Variants in TTLL11 observed in about 807,000 individuals in gnomAD.
TTLL11 encodes the protein tubulin polyglutamylase TTLL11.
A neutral mutation model predicts 51.7 loss-of-function variants in TTLL11; 42 were observed. The ratio of observed to expected loss-of-function variants is 0.81; its 90% CI spans 0.64 to 1.05. The LOEUF is 1.05. Ranked by LOEUF, TTLL11 falls within the 50% of genes least tolerant of loss-of-function variation. TTLL11 has a pLI of 0.00. For missense variants in TTLL11, 799 were observed against 940.4 expected (o/e 0.85, Z 1.97); for synonymous variants, 381 against 383.5 (o/e 0.99, Z 0.08).
chr9:122,087,694 C>T (rs1038721654), intron 1 of TTLL11, among the ~76,000 whole-genome samples: 2 of 152,170 alleles, frequency 1.3e-5, no homozygotes, highest in African/African-American at 4.8e-5. Context: ...GGCGTCTACT[C>T]TCTATGGTGT....
chr9:121,849,049 G>C (rs1837594640), intron 8 of TTLL11, among the ~76,000 whole-genome samples: 1 of 152,202 alleles, frequency 6.6e-6, no homozygotes, highest in South Asian at 2.1e-4. Flanking sequence ...AAAAGAATAG[G>C]TAACTAGACC....
chr9:122,015,707 C>T (rs967562127), intron 3 of TTLL11, among the ~76,000 whole-genome samples: 1 of 151,850 alleles, frequency 6.6e-6, no homozygotes, highest in Middle Eastern at 3.4e-3. Flanking sequence ...GTTTCTCATG[C>T]TCCGAGCCTG....
intron 4 of TTLL11, among the ~76,000 whole-genome samples, chr9:121,979,131 G>T (rs1842777134): frequency 6.6e-6 from 1 of 152,210 alleles, no homozygotes; most frequent in Non-Finnish European, 1.5e-5. Flanking sequence ...CTCACTCGGA[G>T]GGAGGCCACC....
At chr9:122,022,954 G>A (rs1844221636) in intron 3 of TTLL11, among the ~76,000 whole-genome samples, 1 of 151,732 alleles carries the variant, frequency 6.6e-6, no homozygotes, top group Non-Finnish European at 1.5e-5. Context: ...GGTAGATTGT[G>A]ATAACTCAAA....
intron 3 of TTLL11, among the ~76,000 whole-genome samples, chr9:122,003,724 A>G (rs1843554927): frequency 1.3e-5 from 2 of 150,456 alleles, no homozygotes; most frequent in Admixed American, 1.3e-4. Context: ...TGACCTCGTG[A>G]TCCACCCGCC....
chr9:121,993,504 C>T, intron 3 of TTLL11, among the ~76,000 whole-genome samples: 1 of 152,166 alleles, frequency 6.6e-6, no homozygotes, highest in Non-Finnish European at 1.5e-5. Flanking sequence ...GACTAAGGTC[C>T]CTGGCTTCCG....
At chr9:122,008,770 G>A (rs896864420) in intron 3 of TTLL11, among the ~76,000 whole-genome samples, 2 of 152,332 alleles carry the variant, frequency 1.3e-5, no homozygotes, top group South Asian at 2.1e-4. Flanking sequence ...CATGATTTGC[G>A]ATAGCCAAGA....
chr9:121,956,046 G>C (rs1043031304), intron 6 of TTLL11, among the ~76,000 whole-genome samples: 1 of 152,066 alleles, frequency 6.6e-6, no homozygotes, highest in Admixed American at 6.6e-5. Context: ...CATGAATAGT[G>C]CACTCCTAGA....
intron 6 of TTLL11, among the ~76,000 whole-genome samples, chr9:121,968,042 C>T (rs1196044562): frequency 1.3e-5 from 2 of 152,126 alleles, no homozygotes; most frequent in Non-Finnish European, 2.9e-5. Flanking sequence ...AGTGGCAAAA[C>T]GCTGTGGAGC....
intron 8 of TTLL11, among the ~76,000 whole-genome samples, chr9:121,824,632 C>G (rs1344374668): frequency 6.6e-6 from 1 of 152,130 alleles, no homozygotes; most frequent in East Asian, 1.9e-4. Context: ...AAAGTTTCAA[C>G]TGCCTGAAAG....
chr9:121,836,405 GC>G lies in TTLL11; in HGVS notation c.1841-13527del, dbSNP rs1208431296. Reference sequence around the variant, plus strand: ...TGACATTGCTAACAACAGCCATCCAGCCCCCCAACTTGGTTGCTTCCAGTGA... The same window carrying G: ...TGACATTGCTAACAACAGCCATCCAGCCCCCAACTTGGTTGCTTCCAGTGA... On this transcript the variant is annotated intron_variant, in intron 8 of 8. Coordinates refer to ENST00000321582, the MANE Select transcript of TTLL11 (RefSeq NM_001139442.2). Among the ~76,000 whole-genome samples, 11 of 152,242 alleles carry G rather than the reference GC, an allele frequency of 7.2e-5. No individual in the cohort carries two copies. The South Asian group carries it at 2.3e-3, about 32-fold the overall frequency.
intron 6 of TTLL11, among the ~76,000 whole-genome samples, chr9:121,902,795 G>A (rs903944368): frequency 2.0e-5 from 3 of 152,110 alleles, no homozygotes; most frequent in African/African-American, 4.8e-5. Context: ...CACAGGAATG[G>A]TCAGCCATGC....
At chr9:121,973,002 G>A (rs1029311351) in intron 6 of TTLL11, among the ~76,000 whole-genome samples, 6 of 152,192 alleles carry the variant, frequency 3.9e-5, no homozygotes, top group Non-Finnish European at 8.8e-5. Context: ...AATCTGATTC[G>A]TCTAGGGATA....
intron 1 of TTLL11, among the ~76,000 whole-genome samples, chr9:122,080,011 A>C (rs548134193): frequency 6.6e-6 from 1 of 152,330 alleles, no homozygotes; most frequent in African/African-American, 2.4e-5. Flanking sequence ...GAGAAAGCCA[A>C]GCATGTCTAC....
chr9:121,867,896 TG>T (rs1564280213), intron 7 of TTLL11, among the ~76,000 whole-genome samples: 1 of 152,178 alleles, frequency 6.6e-6, no homozygotes, highest in Non-Finnish European at 1.5e-5. Context: ...TGCCTTTGAA[TG>T]TCCCATGGCT....
At chr9:121,951,552 C>A (rs1841851793) in intron 6 of TTLL11, among the ~76,000 whole-genome samples, 1 of 152,122 alleles carries the variant, frequency 6.6e-6, no homozygotes, top group Non-Finnish European at 1.5e-5. Context: ...TCATCATGGG[C>A]CTGGCATTTT....
intron 1 of TTLL11, among the ~76,000 whole-genome samples, chr9:122,089,622 T>A (rs2131943974): frequency 6.6e-6 from 1 of 152,320 alleles, no homozygotes; most frequent in East Asian, 1.9e-4. Flanking sequence ...ATTCCATAAT[T>A]CATTTGATGA....
intron 3 of TTLL11, among the ~76,000 whole-genome samples, chr9:122,016,047 C>T (rs1843965229): frequency 1.3e-5 from 2 of 152,086 alleles, no homozygotes; most frequent in African/African-American, 4.8e-5. Flanking sequence ...AAAAGAAAAA[C>T]AACAAGGTGT....
intron 8 of TTLL11, among the ~76,000 whole-genome samples, chr9:121,838,336 C>T (rs188010922): frequency 2.6e-5 from 4 of 152,128 alleles, no homozygotes; most frequent in East Asian, 3.9e-4. Flanking sequence ...GAGCAGCTGT[C>T]GTCCCTTGAA....
Sources: gnomAD v4.1 joint callset for allele counts (sites outside exome capture counted in the v4.1 genomes callset) on GRCh38, gnomAD v4.1.1 for gene constraint, MANE v1.5 for transcripts, NCBI Gene and HGNC (gene_info 2026-07-23, HGNC 2026-07-21) for gene names.